The following CSMD1 variants were observed in gnomAD, a reference collection of about 807,000 sequenced individuals.
CSMD1 encodes the protein CUB and Sushi multiple domains 1.
CSMD1 carries 213 observed loss-of-function variants against 417.5 expected under a neutral mutation model. The ratio of observed to expected loss-of-function variants is 0.51; its 90% CI spans 0.46 to 0.57. The LOEUF (loss-of-function observed/expected upper bound fraction) is 0.57, where lower values mean the gene tolerates loss of function less well. CSMD1 is among the 20% of genes least tolerant of loss of function. CSMD1 has a pLI of 0.00. For synonymous variants in CSMD1, 2,862 were observed against 1,736.8 expected (o/e 1.65, Z -16.11); for missense variants, 6,923 against 4,529.7 (o/e 1.53, Z -15.17).
At chr8:4,334,836 G>T (rs147814603) in intron 3 of CSMD1, among the ~76,000 whole-genome samples, 2 of 152,096 alleles carry the variant, frequency 1.3e-5, no homozygotes, top group African/African-American at 2.4e-5. Flanking sequence ...TTAAAGAAAA[G>T]ACATTTATTT....
intron 1 of CSMD1, among the ~76,000 whole-genome samples, chr8:4,755,677 A>G (rs1315028482): frequency 6.6e-6 from 1 of 152,222 alleles, no homozygotes; most frequent in African/African-American, 2.4e-5. Flanking sequence ...TTAGTTTTCA[A>G]TAATTCGCAG....
At chr8:3,966,257 G>A (rs538097669) in intron 5 of CSMD1, among the ~76,000 whole-genome samples, 2 of 152,274 alleles carry the variant, frequency 1.3e-5, no homozygotes, top group African/African-American at 4.8e-5. Context: ...AATCAATATT[G>A]CAAAGATACT....
rs530735235 is a variant in CSMD1 at position 3,740,565 on chromosome 8, G to A, written c.931+13365C>T. 5.3e-5 allele frequency among the ~76,000 whole-genome samples: 8 copies of A among 152,276 alleles called. No individual in the cohort carries two copies. The East Asian group carries it at 1.4e-3, about 26-fold the overall frequency. Reference sequence around the variant, plus strand: ...GAGAAGGATTTCTGCCACAGGGAAAGTTATATGGCACACACAGGAAGGAGG... The same window carrying A: ...GAGAAGGATTTCTGCCACAGGGAAAATTATATGGCACACACAGGAAGGAGG... On this transcript the variant is annotated intron_variant, in intron 6 of 69. Coordinates refer to ENST00000635120, the MANE Select transcript of CSMD1 (RefSeq NM_033225.6).
At chr8:4,003,919 G>C (rs537764592) in intron 4 of CSMD1, among the ~76,000 whole-genome samples, 7 of 146,620 alleles carry the variant, frequency 4.8e-5, no homozygotes, top group African/African-American at 1.7e-4. Flanking sequence ...AAAGAGAAAT[G>C]TTTTTCATTT....
At chr8:3,665,616 G>C (rs1399523272) in intron 7 of CSMD1, among the ~76,000 whole-genome samples, 1 of 152,060 alleles carries the variant, frequency 6.6e-6, no homozygotes, top group African/African-American at 2.4e-5. Context: ...GACTCAGTAG[G>C]GTTCTAAATA....
chr8:3,693,842 G>A (rs1183085112), intron 7 of CSMD1, among the ~76,000 whole-genome samples: 1 of 150,974 alleles, frequency 6.6e-6, no homozygotes, highest in East Asian at 2.0e-4. Context: ...TGTTGTGTGT[G>A]TTAGGGTATA....
At chr8:4,736,019 G>A (rs1019729054) in intron 1 of CSMD1, among the ~76,000 whole-genome samples, 2 of 152,104 alleles carry the variant, frequency 1.3e-5, no homozygotes, top group Non-Finnish European at 1.5e-5. Context: ...TGGAGCTGCT[G>A]GAGACACTCA....
chr8:3,819,791 T>C (rs771808334), intron 5 of CSMD1, among the ~76,000 whole-genome samples: 3 of 152,118 alleles, frequency 2.0e-5, no homozygotes, highest in Non-Finnish European at 4.4e-5. Context: ...AGCAATCCTT[T>C]TGCCTGGCCT....
chr8:4,318,488 T>G (rs1017974003), intron 3 of CSMD1, among the ~76,000 whole-genome samples: 2 of 152,138 alleles, frequency 1.3e-5, no homozygotes, highest in African/African-American at 4.8e-5. Flanking sequence ...AAAGCTTGCA[T>G]TCAGGACCTA....
intron 5 of CSMD1, among the ~76,000 whole-genome samples, chr8:3,986,764 T>TC (rs979432539): frequency 2.9e-4 from 41 of 141,426 alleles, no homozygotes; most frequent in Admixed American, 8.9e-4. Context: ...AAGTGATTTT[T>TC]CTTTTTTTTT....
At chr8:4,600,118 C>T (rs1037688348) in intron 2 of CSMD1, among the ~76,000 whole-genome samples, 6 of 152,126 alleles carry the variant, frequency 3.9e-5, no homozygotes, top group East Asian at 3.9e-4. Context: ...GTCGGGCTGA[C>T]GTTCTCAGCA....
chr8:3,698,260 C>A (rs1800665169), intron 7 of CSMD1, among the ~76,000 whole-genome samples: 1 of 152,132 alleles, frequency 6.6e-6, no homozygotes. Context: ...AATTTACTTA[C>A]CTGACTGATG....
chr8:4,225,639 T>C (rs1329882743), intron 3 of CSMD1, among the ~76,000 whole-genome samples: 1 of 152,082 alleles, frequency 6.6e-6, no homozygotes, highest in Non-Finnish European at 1.5e-5. Flanking sequence ...ATCTGCATCA[T>C]AACCAGAGAA....
intron 1 of CSMD1, among the ~76,000 whole-genome samples, chr8:4,934,434 T>C (rs1807462500): frequency 6.6e-6 from 1 of 152,186 alleles, no homozygotes; most frequent in South Asian, 2.1e-4. Flanking sequence ...TCATGTAGTT[T>C]TGCAAACCTC....
chr8:4,327,253 G>T (rs565400641), intron 3 of CSMD1, among the ~76,000 whole-genome samples: 1 of 152,220 alleles, frequency 6.6e-6, no homozygotes, highest in South Asian at 2.1e-4. Context: ...TAATACAAAC[G>T]TCCATTTTAC....
At chr8:3,221,354 T>C (rs987674138) in intron 28 of CSMD1, among the ~76,000 whole-genome samples, 1 of 152,204 alleles carries the variant, frequency 6.6e-6, no homozygotes, top group African/African-American at 2.4e-5. Context: ...TTACTAGGTA[T>C]AGGCGCTAGC....
At chr8:4,434,305 G>A (rs1283510115) in intron 2 of CSMD1, among the ~76,000 whole-genome samples, 1 of 152,174 alleles carries the variant, frequency 6.6e-6, no homozygotes, top group Non-Finnish European at 1.5e-5. Context: ...GATGGAGGTT[G>A]CAGTGAGCTG....
intron 3 of CSMD1, among the ~76,000 whole-genome samples, chr8:4,134,568 G>A (rs1803304416): frequency 6.6e-6 from 1 of 152,278 alleles, no homozygotes; most frequent in South Asian, 2.1e-4. Context: ...CATTGTTATG[G>A]CAGCCCTAAG....
intron 3 of CSMD1, among the ~76,000 whole-genome samples, chr8:4,075,213 A>C (rs555331163): frequency 2.0e-5 from 3 of 152,326 alleles, no homozygotes; most frequent in East Asian, 1.9e-4. Context: ...ATAATATTTC[A>C]TTCTAGTATG....
Sources: allele counts gnomAD v4.1 joint callset (sites outside exome capture counted in the v4.1 genomes callset), GRCh38; gene constraint gnomAD v4.1.1; transcripts MANE v1.5; gene names NCBI Gene and HGNC (gene_info 2026-07-23, HGNC 2026-07-21).